The following HDAC4 variants were observed in gnomAD, a reference collection of about 807,000 sequenced individuals.
HDAC4 encodes histone deacetylase 4, also known as histone deacetylase A.
A neutral mutation model predicts 135.1 loss-of-function variants in HDAC4; 16 were observed. The observed-to-expected ratio is 0.12, with a 90% confidence interval of 0.08 to 0.18. The LOEUF (loss-of-function observed/expected upper bound fraction) is 0.18, where lower values mean the gene tolerates loss of function less well. Ranked by LOEUF, HDAC4 falls within the 10% of genes least tolerant of loss-of-function variation. HDAC4 has a pLI of 1.00. For missense variants in HDAC4, 1,143 were observed against 1,511.8 expected, an observed-to-expected ratio of 0.76 and a Z score of 4.05; for synonymous variants, 685 against 653.4, an observed-to-expected ratio of 1.05 and a Z score of -0.74.
At chr2:239,108,896 A>G (rs914236831) in intron 14 of HDAC4, among the ~76,000 whole-genome samples, 20 of 152,228 alleles carry the variant, frequency 1.3e-4, no homozygotes, top group African/African-American at 4.6e-4. Context: ...TGGGGGCCCC[A>G]GAACCAACTG....
chr2:239,319,559 C>A (rs2053238299), intron 2 of HDAC4, among the ~76,000 whole-genome samples: 1 of 152,186 alleles, frequency 6.6e-6, no homozygotes, highest in South Asian at 2.1e-4. Flanking sequence ...AGTAGCTTAC[C>A]CGTGACCCGG....
At chr2:239,312,365 C>A (rs2052922911) in intron 2 of HDAC4, among the ~76,000 whole-genome samples, 1 of 152,204 alleles carries the variant, frequency 6.6e-6, no homozygotes, top group South Asian at 2.1e-4. Context: ...CTGCCCACCC[C>A]CAACTGCACG....
At chr2:239,296,003 T>C (rs547872979) in intron 2 of HDAC4, among the ~76,000 whole-genome samples, 4 of 152,352 alleles carry the variant, frequency 2.6e-5, no homozygotes, top group Admixed American at 6.5e-5. Flanking sequence ...AGAGGGACTC[T>C]TCATCTTCAC....
intron 3 of HDAC4, among the ~76,000 whole-genome samples, chr2:239,203,205 C>G (rs1435862609): frequency 3.3e-5 from 5 of 152,216 alleles, no homozygotes; most frequent in Non-Finnish European, 7.3e-5. Flanking sequence ...GTGTGGATGC[C>G]TAGCCCTGGA....
chr2:239,335,508 CAAAAA>C (rs61007856), intron 2 of HDAC4, among the ~76,000 whole-genome samples: 5 of 59,384 alleles, frequency 8.4e-5, no homozygotes, highest in Non-Finnish European at 1.5e-4. Flanking sequence ...ATCTGTTCAG[CAAAAA>C]AAAAAAAAAA....
intron 2 of HDAC4, among the ~76,000 whole-genome samples, chr2:239,326,765 T>C (rs1021353995): frequency 1.3e-5 from 2 of 152,220 alleles, no homozygotes; most frequent in African/African-American, 4.8e-5. Flanking sequence ...ATTTGCTAGA[T>C]ACTTCTGGGG....
At chr2:239,103,585 C>A (rs1227892367) in intron 15 of HDAC4, among the ~76,000 whole-genome samples, 1 of 152,270 alleles carries the variant, frequency 6.6e-6, no homozygotes, top group East Asian at 1.9e-4. Flanking sequence ...GAGGGTTAGG[C>A]CACCACAGGA....
At chr2:239,097,101 G>A (rs1019498746) in intron 16 of HDAC4, among the ~76,000 whole-genome samples, 2 of 152,224 alleles carry the variant, frequency 1.3e-5, no homozygotes, top group South Asian at 2.1e-4. Flanking sequence ...ATGCTGTGAC[G>A]TTTTCCAGAC....
chr2:239,189,944 C>G lies in HDAC4; in HGVS notation c.228G>C (p.Leu76=), dbSNP rs748516430. ...GGATCTGCTGCTTCTGCTTGAGCGC[C>G]AGGAGCTCCTGCTGCAGCTGCTGCT... ...LREQQLQQEL[L]ALKQKQQIQR... is the part of the protein sequence containing the mutation. The change falls in exon 4 of 27, where the codon CTG becomes CTC. Residue 76 remains leucine, a synonymous_variant. Transcript: ENST00000543185. The G allele has an allele frequency of 2.5e-6, 4 of 1,610,182 alleles. No individual in the cohort carries two copies. The highest frequency in any genetic ancestry group is 2.2e-5 in the South Asian group (2 of 91,068).
intron 5 of HDAC4, among the ~76,000 whole-genome samples, chr2:239,168,430 T>C (rs1035768529): frequency 6.6e-6 from 1 of 152,188 alleles, no homozygotes; most frequent in Non-Finnish European, 1.5e-5. Flanking sequence ...TGATGAAAAC[T>C]GCCACCGTTC....
intron 5 of HDAC4, among the ~76,000 whole-genome samples, chr2:239,170,067 G>T (rs1166838976): frequency 6.6e-6 from 1 of 152,188 alleles, no homozygotes; most frequent in Non-Finnish European, 1.5e-5. Context: ...ATTATTTCAA[G>T]AGTAAAATGC....
At chr2:239,383,659 G>C (rs1341397755) in intron 1 of HDAC4, among the ~76,000 whole-genome samples, 1 of 151,950 alleles carries the variant, frequency 6.6e-6, no homozygotes, top group Non-Finnish European at 1.5e-5. Flanking sequence ...TACCTGGTGG[G>C]AGAAAGCGCG....
In HDAC4 at chr2:239,049,234, A is replaced by G. The variant is rs2030449784; in HGVS notation, c.*3863T>C. The G allele has an allele frequency of 6.6e-6, 1 of 152,594 alleles. No individual in the cohort carries two copies. The highest frequency in any genetic ancestry group is 2.4e-5 in the African/African-American group (1 of 41,448). 9.5% of individuals were successfully genotyped at this position (152,594 alleles called of 1,614,324 possible). On this transcript the variant is annotated 3_prime_UTR_variant, in exon 27 of 27. Transcript: ENST00000543185. ...ATAAAAAGTACAATTTCTTAAGAAT[A>G]AGTTCAATAAGACGCAAACTTCCCC...
chr2:239,081,553 A>G (rs1331636352), intron 21 of HDAC4, among the ~76,000 whole-genome samples: 1 of 152,230 alleles, frequency 6.6e-6, no homozygotes, highest in Non-Finnish European at 1.5e-5. Context: ...AGTGTCTCCG[A>G]TGAGCCTGTC....
intron 22 of HDAC4, among the ~76,000 whole-genome samples, chr2:239,079,953 G>C (rs150455252): frequency 6.7e-6 from 1 of 148,494 alleles, no homozygotes; most frequent in East Asian, 1.9e-4. Context: ...ACACAGATGT[G>C]TGTAACACAC....
At chr2:239,084,529 T>C (rs1026409591) in intron 19 of HDAC4, among the ~76,000 whole-genome samples, 3 of 124,028 alleles carry the variant, frequency 2.4e-5, no homozygotes, top group Non-Finnish European at 5.3e-5. Context: ...GCCAATGCCA[T>C]AGGGTCGGCT....
chr2:239,141,334 G>C lies in HDAC4; in HGVS notation c.866-1538C>G, dbSNP rs193237551. Reference sequence around the variant, plus strand: ...ACACCAGCCGCTCCCCATGGCTCTTGGAGCTCAAAAGAGTGTGGGGTCAGC... The same window carrying C: ...ACACCAGCCGCTCCCCATGGCTCTTCGAGCTCAAAAGAGTGTGGGGTCAGC... On this transcript the variant is annotated intron_variant, in intron 8 of 26. Transcript: ENST00000543185. This position sits in a 1 kb window ranked among gnomAD's most constrained non-coding sequence, Gnocchi z 4.9. Among the ~76,000 whole-genome samples, 1 of 152,142 alleles carries C rather than the reference G, an allele frequency of 6.6e-6. No individual in the cohort carries two copies. The highest frequency in any genetic ancestry group is 6.5e-5 in the Admixed American group (1 of 15,286).
chr2:239,346,866 AAAAC>A (rs903008973), intron 2 of HDAC4, among the ~76,000 whole-genome samples: 1 of 132,390 alleles, frequency 7.6e-6, no homozygotes, highest in African/African-American at 2.9e-5. Flanking sequence ...CACCCTATCT[AAAAC>A]ACACACACCC....
intron 2 of HDAC4, among the ~76,000 whole-genome samples, chr2:239,310,148 A>G (rs2052801244): frequency 6.6e-6 from 1 of 152,254 alleles, no homozygotes; most frequent in African/African-American, 2.4e-5. Context: ...GCAGTCATTC[A>G]GCCTTGGAGT....
Sources: allele counts gnomAD v4.1 joint callset (sites outside exome capture counted in the v4.1 genomes callset), GRCh38; gene constraint gnomAD v4.1.1; non-coding constraint Gnocchi (gnomAD v3.1); transcripts MANE v1.5; gene names NCBI Gene and HGNC (gene_info 2026-07-23, HGNC 2026-07-21).